Variants in MAPKAPK5 observed in about 807,000 individuals in gnomAD.
The protein encoded by MAPKAPK5 is MAP kinase-activated protein kinase 5.
A neutral mutation model predicts 65.1 loss-of-function variants in MAPKAPK5; 30 were observed. That is an observed-to-expected ratio of 0.46 (90% CI 0.34 to 0.63). The LOEUF (loss-of-function observed/expected upper bound fraction) is 0.63. Ranked by LOEUF, MAPKAPK5 falls within the 20% of genes least tolerant of loss-of-function variation. The probability of loss-of-function intolerance (pLI) is 0.01; values close to 1 mark genes in which losing one functional copy is unlikely to be tolerated. For missense variants in MAPKAPK5, 433 were observed against 581.4 expected (o/e 0.74, Z 2.63); for synonymous variants, 179 against 204.6 (o/e 0.87, Z 1.07).
At chr12:111,859,652 C>CTT (rs758102057) in intron 1 of MAPKAPK5, among the ~76,000 whole-genome samples, 5 of 106,146 alleles carry the variant, frequency 4.7e-5, no homozygotes, top group South Asian at 3.0e-4. Context: ...CTTTGCTTTT[C>CTT]TTTTTTTTTT....
At chr12:111,879,044 C>A (rs2070099190) in intron 7 of MAPKAPK5, among the ~76,000 whole-genome samples, 1 of 152,074 alleles carries the variant, frequency 6.6e-6, no homozygotes, top group East Asian at 1.9e-4. Flanking sequence ...CTGTTGATTT[C>A]TATAAAAAAG....
chr12:111,846,777 G>A (rs2068919570), intron 1 of MAPKAPK5, among the ~76,000 whole-genome samples: 1 of 152,110 alleles, frequency 6.6e-6, no homozygotes, highest in Non-Finnish European at 1.5e-5. Context: ...AGTTACAGGT[G>A]TGAGTCACCA....
At chr12:111,850,352 A>T (rs2069037978) in intron 1 of MAPKAPK5, among the ~76,000 whole-genome samples, 1 of 152,206 alleles carries the variant, frequency 6.6e-6, no homozygotes, top group Non-Finnish European at 1.5e-5. Context: ...TTCATATTGA[A>T]GATGCAGCTT....
At chr12:111,855,603 C>T (rs1018517916) in intron 1 of MAPKAPK5, among the ~76,000 whole-genome samples, 3 of 151,978 alleles carry the variant, frequency 2.0e-5, no homozygotes, top group Admixed American at 6.6e-5. Context: ...CCAAGGCAGG[C>T]GGATCACGAG....
chr12:111,842,427 C>T lies in MAPKAPK5; in HGVS notation c.-307C>T, dbSNP rs4767067. The stretch of plus-strand genomic sequence containing the variant: ...CCCCGGGTCGAGGCCCTCCCCGCCT[C>T]GCCCTACCCCAGGAGCCTGCCTCCC... On this transcript the variant is annotated 5_prime_UTR_variant, in exon 1 of 14. Transcript: ENST00000550735. 15,002 of 249,538 alleles carry T rather than the reference C, an allele frequency of 0.06. 3,081 individuals carry two copies. The East Asian group carries it at 0.63, about 10-fold the overall frequency. The allele number at this position is 249,538 out of a possible 1,614,324, so 15.5% of individuals were successfully genotyped here.
At chr12:111,861,168 T>G (rs75080921) in intron 1 of MAPKAPK5, among the ~76,000 whole-genome samples, 31,914 of 150,948 alleles carry the variant, frequency 0.21, 3,753 homozygotes, top group African/African-American at 0.32. Context: ...AAAAAAAAAA[T>G]AATTTCCATT....
chr12:111,847,344 CA>C (rs58150812), intron 1 of MAPKAPK5, among the ~76,000 whole-genome samples: 218 of 103,240 alleles, frequency 2.1e-3, no homozygotes, highest in Middle Eastern at 5.6e-3. Flanking sequence ...TGAGACTCTG[CA>C]AAAAAAAAAA....
intron 1 of MAPKAPK5, among the ~76,000 whole-genome samples, chr12:111,848,279 G>A (rs930441849): frequency 6.6e-6 from 1 of 152,096 alleles, no homozygotes; most frequent in Non-Finnish European, 1.5e-5. Context: ...TAGTCCTTCT[G>A]GTGGGTGTGT....
rs754389772 is a variant in MAPKAPK5, at chr12:111,871,066, C to CT, written c.484-9dup. 3,920 of 1,285,520 alleles carry CT rather than the reference C, an allele frequency of 3.0e-3. 3 individuals carry two copies. Among genetic ancestry groups the CT allele is most frequent in the African/African-American group, 0.012 (811 of 66,692 alleles). The allele number at this position is 1,285,520 out of a possible 1,614,324, so 79.6% of individuals were successfully genotyped here. A position where few individuals can be genotyped will look rare whatever the true frequency, so the allele number is the denominator to read the frequency against. Reference sequence around the variant, plus strand: ...ACTGAGCACTCTGGAGCAGTGACTCCTTTTTTTTTTAATTTCAGGATGCCC... The same window carrying CT: ...ACTGAGCACTCTGGAGCAGTGACTCCTTTTTTTTTTTAATTTCAGGATGCCC... On this transcript the variant is annotated intron_variant, in intron 6 of 13. Coordinates refer to ENST00000550735, the MANE Select transcript of MAPKAPK5 (RefSeq NM_003668.4).
intron 1 of MAPKAPK5, among the ~76,000 whole-genome samples, chr12:111,847,738 T>C (rs4346023): frequency 0.46 from 69,299 of 152,100 alleles, 20,072 homozygotes; most frequent in East Asian, 0.9. Flanking sequence ...TGGTGTATAA[T>C]ATTTCCATCC....
intron 8 of MAPKAPK5, among the ~76,000 whole-genome samples, chr12:111,881,031 G>A (rs1488564818): frequency 6.6e-6 from 1 of 152,152 alleles, no homozygotes; most frequent in African/African-American, 2.4e-5. Flanking sequence ...GGGCTCCTAA[G>A]TGTTACTTGG....
chr12:111,874,470 G>GTTTT (rs79738806), intron 7 of MAPKAPK5, among the ~76,000 whole-genome samples: 1 of 133,402 alleles, frequency 7.5e-6, no homozygotes, highest in Non-Finnish European at 1.6e-5. Context: ...TTTGTTTTGG[G>GTTTT]TTTTTTTTTT....
chr12:111,864,326 G>A (rs1379485380), intron 1 of MAPKAPK5, among the ~76,000 whole-genome samples: 1 of 152,064 alleles, frequency 6.6e-6, no homozygotes, highest in Non-Finnish European at 1.5e-5. Flanking sequence ...TCAGCCTCCC[G>A]AGTAGCTGGG....
intron 3 of MAPKAPK5, among the ~76,000 whole-genome samples, chr12:111,867,167 A>G (rs758553539): frequency 2.6e-5 from 4 of 152,196 alleles, no homozygotes; most frequent in South Asian, 2.1e-4. Context: ...CCTGGGCTCA[A>G]GTGATCCACT....
chr12:111,843,249 G>A, intron 1 of MAPKAPK5: 1 of 398,632 alleles, frequency 2.5e-6, no homozygotes, highest in Non-Finnish European at 4.4e-6. Flanking sequence ...TTGGGGAATA[G>A]GTTGTCCTCA....
chr12:111,874,855 A>C (rs1182275596), intron 7 of MAPKAPK5, among the ~76,000 whole-genome samples: 1 of 147,288 alleles, frequency 6.8e-6, no homozygotes, highest in Non-Finnish European at 1.5e-5. Context: ...GCTCACTGCA[A>C]TCTCCGCCTC....
chr12:111,856,917 C>T (rs901933389), intron 1 of MAPKAPK5, among the ~76,000 whole-genome samples: 5 of 152,092 alleles, frequency 3.3e-5, no homozygotes, highest in Non-Finnish European at 5.9e-5. Flanking sequence ...CCCTCTTGAT[C>T]CAAGTTACTA....
intron 1 of MAPKAPK5, among the ~76,000 whole-genome samples, chr12:111,848,691 A>G (rs1203653356): frequency 6.6e-6 from 1 of 151,742 alleles, no homozygotes. Flanking sequence ...GATTATAGGC[A>G]TGAGCCACTG....
intron 4 of MAPKAPK5, among the ~76,000 whole-genome samples, chr12:111,868,311 T>G (rs892776518): frequency 6.6e-6 from 1 of 152,172 alleles, no homozygotes; most frequent in African/African-American, 2.4e-5. Context: ...CCCTAAAATA[T>G]TCTAAGCTTA....
Sources: allele counts gnomAD v4.1 joint callset (sites outside exome capture counted in the v4.1 genomes callset), GRCh38; gene constraint gnomAD v4.1.1; transcripts MANE v1.5; gene names NCBI Gene and HGNC (gene_info 2026-07-23, HGNC 2026-07-21).